ZNF215: variants seen among roughly 807,000 people sequenced by gnomAD.
The protein encoded by ZNF215 is zinc finger protein 215.
In ZNF215, 24 loss-of-function variants were observed where a neutral mutation model predicts 27.2. That is an observed-to-expected ratio of 0.88 (90% CI 0.64 to 1.24). The LOEUF (loss-of-function observed/expected upper bound fraction) is 1.24, where lower values mean the gene tolerates loss of function less well. Among genes scored for constraint, ZNF215 ranks in the 50% most tolerant of loss-of-function variants. The pLI, the probability that ZNF215 is intolerant of heterozygous loss-of-function variation, is 0.00. For missense variants in ZNF215, 675 were observed against 605.7 expected (o/e 1.11, Z -1.20); for synonymous variants, 210 against 204.0 (o/e 1.03, Z -0.25).
chr11:6,944,071 C>T lies in ZNF215; in HGVS notation c.712+430C>T, dbSNP rs111567395. On this transcript the variant is annotated intron_variant, in intron 6 of 6. Transcript: ENST00000278319. ...CGGGCGGATCACAAGGTCAGGAGATCGAGACCATCCTGGCTAACACCGTTA... is the reference window on the plus strand; with the variant it reads ...CGGGCGGATCACAAGGTCAGGAGATTGAGACCATCCTGGCTAACACCGTTA... 4.2e-3 allele frequency among the ~76,000 whole-genome samples: 646 copies of T among 152,200 alleles called. 4 individuals are homozygous for T. Among genetic ancestry groups the T allele is most frequent in the African/African-American group, 0.015 (621 of 41,530 alleles).
At position 6,957,369 on chromosome 11, in the gene ZNF215, C is replaced by G. The variant is rs189407340; in HGVS notation, c.*838C>G. On this transcript the variant is annotated 3_prime_UTR_variant, in exon 7 of 7. Coordinates refer to ENST00000278319, the MANE Select transcript of ZNF215 (RefSeq NM_013250.4). ...ATTGACATATCTAAATTATCTCAGT[C>G]TGAGTTTGTGAGGAAGTGTGCCCTG... is the stretch of plus-strand genomic sequence containing the variant. 1.4e-3 allele frequency: 299 copies of G among 210,158 alleles called. 2 individuals carry two copies. Among genetic ancestry groups the G allele is most frequent in the African/African-American group, 6.8e-3 (290 of 42,586 alleles). The allele number at this position is 210,158 out of a possible 1,614,324, so 13.0% of individuals were successfully genotyped here.
chr11:6,961,399 A>G (rs1850515309), downstream of ZNF215, among the ~76,000 whole-genome samples: 1 of 152,108 alleles, frequency 6.6e-6, no homozygotes, highest in Admixed American at 6.6e-5. Context: ...GCTTTAATGG[A>G]GAGAAGGTCT....
At chr11:6,954,456 C>A (rs1221727575) in intron 6 of ZNF215, among the ~76,000 whole-genome samples, 1 of 152,256 alleles carries the variant, frequency 6.6e-6, no homozygotes, top group East Asian at 1.9e-4. Context: ...AGCCCCTCCC[C>A]CAGCCTCGCT....
In ZNF215 at chr11:6,974,630, A is replaced by C. The variant is rs554542364; in HGVS notation, c.806-9499A>C. Among the ~76,000 whole-genome samples the C allele has an allele frequency of 2.9e-3, 441 of 152,174 alleles. 2 individuals carry two copies. Among genetic ancestry groups the C allele is most frequent in the African/African-American group, 0.01 (430 of 41,500 alleles). ...CACATCCCTTGTAAGTTGGATTCCT[A>C]GGTATTTTATTCTCTTTGAAGCAAT... On this transcript the variant is annotated intron_variant, in intron 5 of 5. Coordinates refer to the ZNF215 transcript ENST00000529903.
At chr11:6,973,299 AT>A (rs1564974558) in intron 5 of ZNF215, among the ~76,000 whole-genome samples, 1 of 152,118 alleles carries the variant, frequency 6.6e-6, no homozygotes, top group Admixed American at 6.6e-5. Context: ...TCTATCATTG[AT>A]GGGCATTTGG....
rs780968004 is a variant in ZNF215 at position 6,932,458 on chromosome 11, C to G, written c.186C>G (p.Pro62=). ...TCCAGTATTTGAAAGTGTCTGGGCCCCATGAAGCCCTGAGCCAACTCTGGG... is the reference window on the plus strand; with the variant it reads ...TCCAGTATTTGAAAGTGTCTGGGCCGCATGAAGCCCTGAGCCAACTCTGGG... ...RHFQYLKVSG[P]HEALSQLWEL... The change falls in exon 3 of 7, where the codon CCC becomes CCG. Residue 62 remains proline, a synonymous_variant. Transcript: ENST00000278319. The G allele has an allele frequency of 1.2e-6, 2 of 1,614,122 alleles. No individual in the cohort carries two copies. The highest frequency in any genetic ancestry group is 1.1e-5 in the South Asian group (1 of 91,078).
At chr11:6,969,925 C>T (rs1006683376) in intron 5 of ZNF215, among the ~76,000 whole-genome samples, 4 of 152,092 alleles carry the variant, frequency 2.6e-5, no homozygotes, top group African/African-American at 7.2e-5. Context: ...GGATTACAGG[C>T]ACCCACCACC....
Position 6,938,716 on chromosome 11 carries a change from G to A in ZNF215, c.401-2855G>A, listed in dbSNP as rs919575203. Among the ~76,000 whole-genome samples the A allele has an allele frequency of 3.3e-5, 5 of 152,068 alleles. No homozygotes were observed. In the East Asian group the frequency reaches 9.6e-4, roughly 29 times the overall value. ...AATGTCCAGAATAGGCAAATTCGTA[G>A]AGACAGTATAAGGAAAGGGAGTGTG... On this transcript the variant is annotated intron_variant, in intron 3 of 6. Coordinates refer to ENST00000278319, the MANE Select transcript of ZNF215 (RefSeq NM_013250.4).
At chr11:6,948,270 AAGGTTGAAGTCT>A (rs1399694378) in intron 6 of ZNF215, among the ~76,000 whole-genome samples, 1 of 152,124 alleles carries the variant, frequency 6.6e-6, no homozygotes, top group Non-Finnish European at 1.5e-5. Flanking sequence ...CTATGGCATC[AAGGTTGAAGTCT>A]AGGATCTCAT....
intron 6 of ZNF215, among the ~76,000 whole-genome samples, chr11:6,954,276 A>G (rs1590069219): frequency 6.6e-6 from 1 of 152,206 alleles, no homozygotes; most frequent in South Asian, 2.1e-4. Context: ...GCTGTCAGAC[A>G]GGGACATTTA....
downstream of ZNF215, among the ~76,000 whole-genome samples, chr11:6,987,377 G>C (rs1337613084): frequency 6.6e-6 from 1 of 152,134 alleles, no homozygotes; most frequent in Non-Finnish European, 1.5e-5. Flanking sequence ...CAAGAGGTGG[G>C]AGGAAAGCAG....
chr11:6,992,143 G>A (rs1045538778), downstream of ZNF215, among the ~76,000 whole-genome samples: 2 of 152,206 alleles, frequency 1.3e-5, no homozygotes, highest in Admixed American at 1.3e-4. Flanking sequence ...TGTGAAGAGG[G>A]AGAAGTCCTG....
rs761829666 is a variant in ZNF215, at chr11:6,943,589, T to G, written c.660T>G (p.Ser220Arg). ...CATTTGAGAGCCTTAAGTTGGAGAG[T>G]AAGAAAAAAAGATGGATAATGGAGA... ...SKPFESLKLE[S>R]KKKRWIMEKE... Residue 220 changes from serine to arginine, a missense_variant, in exon 6 of 7, where the codon AGT (serine) becomes AGG (arginine). Ser to Arg is a moderately radical substitution (Grantham distance 110, BLOSUM62 -1). Transcript: ENST00000278319. 3.1e-6 allele frequency: 5 copies of G among 1,613,672 alleles called. No homozygotes were observed. In the East Asian group the frequency reaches 1.1e-4, roughly 36 times the overall value.
At chr11:6,930,151 T>G (rs937760142) in intron 2 of ZNF215, among the ~76,000 whole-genome samples, 30 of 151,756 alleles carry the variant, frequency 2.0e-4, no homozygotes, top group Admixed American at 2.0e-3. Context: ...CAGTACAAGA[T>G]GCCCCATGCT....
chr11:6,934,410 A>G (rs1005467165), intron 3 of ZNF215, among the ~76,000 whole-genome samples: 1 of 152,202 alleles, frequency 6.6e-6, no homozygotes, highest in Non-Finnish European at 1.5e-5. Context: ...ACTATAATAA[A>G]TTACCACAAA....
At chr11:6,962,974 T>G (rs891132945), downstream of ZNF215, among the ~76,000 whole-genome samples, 1 of 152,108 alleles carries the variant, frequency 6.6e-6, no homozygotes, top group Non-Finnish European at 1.5e-5. Flanking sequence ...GGCCCTTGTA[T>G]TCTAGGTTTC....
chr11:6,986,742 A>G (rs1168679764), downstream of ZNF215, among the ~76,000 whole-genome samples: 1 of 151,568 alleles, frequency 6.6e-6, no homozygotes, highest in Non-Finnish European at 1.5e-5. Context: ...GTCAACAAAT[A>G]TATGAAAAAA....
intron 5 of ZNF215, among the ~76,000 whole-genome samples, chr11:6,983,965 T>G (rs1851011776): frequency 6.6e-6 from 1 of 152,146 alleles, no homozygotes; most frequent in Admixed American, 6.6e-5. Context: ...CAATACAGTA[T>G]TTTTTCTCTT....
At chr11:6,968,672 T>C (rs1850670580) in intron 5 of ZNF215, among the ~76,000 whole-genome samples, 1 of 151,764 alleles carries the variant, frequency 6.6e-6, no homozygotes, top group Admixed American at 6.6e-5. Flanking sequence ...TCAAAACCAG[T>C]CTGGGCTAAA....
Sources: allele counts gnomAD v4.1 joint callset (sites outside exome capture counted in the v4.1 genomes callset), GRCh38; gene constraint gnomAD v4.1.1; transcripts MANE v1.5; gene names NCBI Gene and HGNC (gene_info 2026-07-23, HGNC 2026-07-21).